PDXDC1: variants seen among roughly 807,000 people sequenced by gnomAD.
PDXDC1 encodes the protein pyridoxal dependent decarboxylase domain containing 1, also known as pyridoxal-dependent decarboxylase domain-containing protein 1.
Under a neutral mutation model 100.1 loss-of-function variants are expected in PDXDC1, and 42 were observed. The ratio of observed to expected loss-of-function variants is 0.42; its 90% CI spans 0.33 to 0.54. The LOEUF (loss-of-function observed/expected upper bound fraction) is 0.54. Among genes scored for constraint, PDXDC1 ranks in the 20% least tolerant of loss-of-function variants. PDXDC1 has a pLI of 0.10. For missense variants in PDXDC1, 636 were observed against 979.2 expected (o/e 0.65, Z 4.68); for synonymous variants, 260 against 371.7 (o/e 0.70, Z 3.46).
At chr16:15,131,729 G>A in intron 16 of PDXDC1, 1 of 1,407,256 alleles carries the variant, frequency 7.1e-7, no homozygotes, top group Non-Finnish European at 9.5e-7. Flanking sequence ...CGTGAGGTCA[G>A]TGCAGAGACA....
chr16:15,131,106 G>C, intron 16 of PDXDC1: 3 of 1,607,170 alleles, frequency 1.9e-6, no homozygotes, highest in Non-Finnish European at 2.5e-6. Context: ...GCGTATAGTT[G>C]AGCTGCAGAT....
chr16:14,978,296 A>C (rs1967156986), intron 1 of PDXDC1, among the ~76,000 whole-genome samples: 1 of 152,298 alleles, frequency 6.6e-6, no homozygotes, highest in Non-Finnish European at 1.5e-5. Flanking sequence ...GTGTGTACTT[A>C]TGTTAATATT....
chr16:15,070,756 C>A (rs1258003774), intron 16 of PDXDC1, among the ~76,000 whole-genome samples: 1 of 151,836 alleles, frequency 6.6e-6, no homozygotes, highest in Non-Finnish European at 1.5e-5. Context: ...GGTCTATTAC[C>A]TTTAAAAGGG....
At chr16:15,127,569 C>T (rs756369343) in intron 16 of PDXDC1, 13 of 1,313,122 alleles carry the variant, frequency 9.9e-6, no homozygotes, top group Admixed American at 2.0e-5. Context: ...CGACGCTCAG[C>T]GGGCTCAGCC....
chr16:15,133,721 T>G (rs190843117), intron 16 of PDXDC1: 3 of 1,605,150 alleles, frequency 1.9e-6, no homozygotes, highest in Non-Finnish European at 2.6e-6. Context: ...ACGGTCCCCA[T>G]GGCATCACGG....
At chr16:14,989,779 G>C in intron 1 of PDXDC1, 1 of 1,543,212 alleles carries the variant, frequency 6.5e-7, no homozygotes, top group Non-Finnish European at 8.7e-7. Context: ...AGCGGGCGCA[G>C]CTGCACGAAG....
chr16:15,018,534 A>T (rs1401977138), intron 11 of PDXDC1, among the ~76,000 whole-genome samples: 59 of 152,292 alleles, frequency 3.9e-4, no homozygotes, highest in Non-Finnish European at 1.5e-4. Flanking sequence ...GTGTTTGAGG[A>T]TGCTCAGAGC....
At chr16:14,982,085 C>G (rs923835068) in intron 1 of PDXDC1, among the ~76,000 whole-genome samples, 22 of 152,292 alleles carry the variant, frequency 1.4e-4, no homozygotes, top group African/African-American at 5.3e-4. Flanking sequence ...TGCACCCGGC[C>G]TATTTTTGCC....
At chr16:15,111,048 A>G (rs1164120104) in intron 16 of PDXDC1, among the ~76,000 whole-genome samples, 1 of 148,410 alleles carries the variant, frequency 6.7e-6, no homozygotes, top group African/African-American at 2.4e-5. Flanking sequence ...GAACCGTTTG[A>G]AGCTGGGAGG....
intron 16 of PDXDC1, chr16:15,048,191 G>GCTGCCCACGCAGA: frequency 1.2e-6 from 1 of 814,184 alleles, no homozygotes; most frequent in Non-Finnish European, 2.0e-6. Flanking sequence ...GGCTCTGCGT[G>GCTGCCCACGCAGA]GGCAGCACGC....
rs1253400015 is a variant in PDXDC1 at position 15,047,687 on chromosome 16, C to T, written c.1399+17631C>T. 6.6e-6 allele frequency: 6 copies of T among 903,004 alleles called. No individual in the cohort carries two copies. The Admixed American group carries it at 7.1e-5, about 11-fold the overall frequency. The allele number at this position is 903,004 out of a possible 1,614,324, so 55.9% of individuals were successfully genotyped here. On this transcript the variant is annotated intron_variant, in intron 16 of 16. Transcript: ENST00000535621. ...GAAAAACGGACAGGTCTGTGCTCCC[C>T]AGCCAACCCATTCTGACCAGGACAC...
chr16:15,058,345 GTTTC>G (rs1313219138), intron 16 of PDXDC1, among the ~76,000 whole-genome samples: 1 of 152,128 alleles, frequency 6.6e-6, no homozygotes, highest in African/African-American at 2.4e-5. Flanking sequence ...TGGAAAGCCT[GTTTC>G]TTTAAGATAG....
chr16:15,117,342 C>A (rs1304175136), intron 16 of PDXDC1, among the ~76,000 whole-genome samples: 2 of 125,374 alleles, frequency 1.6e-5, no homozygotes, highest in African/African-American at 6.1e-5. Flanking sequence ...ATGTACTTTC[C>A]AAAGTTAGTA....
chr16:15,096,985 G>T (rs1429158235), intron 16 of PDXDC1, among the ~76,000 whole-genome samples: 1 of 152,120 alleles, frequency 6.6e-6, no homozygotes, highest in Admixed American at 6.5e-5. Context: ...TCTGAGTCTG[G>T]GTGCAGTGAC....
At chr16:15,003,867 C>G (rs1973707608) in intron 4 of PDXDC1, among the ~76,000 whole-genome samples, 1 of 152,228 alleles carries the variant, frequency 6.6e-6, no homozygotes, top group Non-Finnish European at 1.5e-5. Flanking sequence ...GCCTGTAATT[C>G]CAGCTACTCG....
chr16:15,147,999 G>T, the PDXDC1 span, among the ~76,000 whole-genome samples: 35 of 146,512 alleles, frequency 2.4e-4, no homozygotes, highest in Non-Finnish European at 4.4e-4. Flanking sequence ...TTTTTGTTTT[G>T]TTTTTTTTTT....
rs1451070795 is a variant in PDXDC1, at chr16:14,998,324, C to G, written c.96-16C>G. Reference sequence around the variant, plus strand: ...TGATGAAACAAATGAACAGCTTTTTCTTTTCTTTAAATTAGAAGAACAGAA... The same window carrying G: ...TGATGAAACAAATGAACAGCTTTTTGTTTTCTTTAAATTAGAAGAACAGAA... On this transcript the variant is annotated splice_polypyrimidine_tract_variant and intron_variant, in intron 2 of 22. Coordinates refer to ENST00000396410, the MANE Select transcript of PDXDC1 (RefSeq NM_015027.4). The G allele has an allele frequency of 1.2e-6, 2 of 1,606,436 alleles. No individual in the cohort carries two copies. Among genetic ancestry groups the G allele is most frequent in the Non-Finnish European group, 1.7e-6 (2 of 1,178,532 alleles).
At chr16:15,017,452 G>A in intron 11 of PDXDC1, 30 bp downstream of exon 11, 1 of 1,599,808 alleles carries the variant, frequency 6.3e-7, no homozygotes, top group Non-Finnish European at 8.6e-7. Context: ...GGAGGGAGTG[G>A]GTGTGGCTAA....
chr16:15,000,024 C>T (rs1356853725), intron 3 of PDXDC1, among the ~76,000 whole-genome samples: 3 of 152,302 alleles, frequency 2.0e-5, no homozygotes, highest in Admixed American at 1.3e-4. Flanking sequence ...TTAAAAGTCA[C>T]TCCTATTCGT....
Sources: allele counts gnomAD v4.1 joint callset (sites outside exome capture counted in the v4.1 genomes callset), GRCh38; gene constraint gnomAD v4.1.1; transcripts MANE v1.5; gene names NCBI Gene and HGNC (gene_info 2026-07-23, HGNC 2026-07-21).